The following CSMD1 variants were observed in gnomAD, a reference collection of about 807,000 sequenced individuals.
The protein encoded by CSMD1 is CUB and sushi domain-containing protein 1.
In CSMD1, 213 loss-of-function variants were observed where a neutral mutation model predicts 417.5. That is an observed-to-expected ratio of 0.51 (90% CI 0.46 to 0.57). The LOEUF is 0.57. CSMD1 is among the 20% of genes least tolerant of loss of function. The probability of loss-of-function intolerance (pLI) is 0.00; values close to 1 mark genes in which losing one functional copy is unlikely to be tolerated. For synonymous variants in CSMD1, 2,862 were observed against 1,736.8 expected, an observed-to-expected ratio of 1.65 and a Z score of -16.11; for missense variants, 6,923 against 4,529.7, an observed-to-expected ratio of 1.53 and a Z score of -15.17.
chr8:4,763,418 A>C (rs1402183686), intron 1 of CSMD1, among the ~76,000 whole-genome samples: 1 of 152,214 alleles, frequency 6.6e-6, no homozygotes, highest in Non-Finnish European at 1.5e-5. Context: ...TGAGAGTAAA[A>C]TATAGGTCAC....
At chr8:3,468,657 C>G in intron 12 of CSMD1, 55 bp downstream of exon 12, 3 of 1,094,666 alleles carry the variant, frequency 2.7e-6, no homozygotes, top group Non-Finnish European at 4.0e-6. Context: ...AGAATGCTCT[C>G]TGCCCTCTCT....
chr8:3,847,555 C>T (rs1803591901), intron 5 of CSMD1, among the ~76,000 whole-genome samples: 1 of 152,086 alleles, frequency 6.6e-6, no homozygotes, highest in African/African-American at 2.4e-5. Flanking sequence ...TGAAGGAGTC[C>T]TTGACTGCTG....
intron 46 of CSMD1, among the ~76,000 whole-genome samples, chr8:3,099,106 G>C (rs566078021): frequency 7.9e-5 from 12 of 151,668 alleles, no homozygotes; most frequent in African/African-American, 2.9e-4. Flanking sequence ...CTTCCCCCAA[G>C]CCTCTTTACA....
chr8:4,327,546 T>G (rs566891126), intron 3 of CSMD1, among the ~76,000 whole-genome samples: 1 of 152,130 alleles, frequency 6.6e-6, no homozygotes, highest in Non-Finnish European at 1.5e-5. Context: ...AGCTCCAATG[T>G]TGGCTTTCCT....
Position 3,182,650 on chromosome 8 carries a change from G to A in CSMD1, c.5621-1436C>T, listed in dbSNP as rs1388064099. On this transcript the variant is annotated intron_variant, in intron 36 of 69. Transcript: ENST00000635120. ...TGTGTGTGTATTGTTAGTAGAGAAGGGGGACTCTGGCTGTCTATAAGAAGC... is the reference window on the plus strand; with the variant it reads ...TGTGTGTGTATTGTTAGTAGAGAAGAGGGACTCTGGCTGTCTATAAGAAGC... Among the ~76,000 whole-genome samples the A allele has an allele frequency of 3.2e-5, 2 of 62,832 alleles. 1 individual carries two copies. The highest frequency in any genetic ancestry group is 7.2e-5 in the Non-Finnish European group (2 of 27,904). 41.2% of individuals were successfully genotyped at this position (62,832 alleles called of 152,430 possible).
chr8:4,382,624 T>C (rs1052500462), intron 3 of CSMD1, among the ~76,000 whole-genome samples: 1 of 152,228 alleles, frequency 6.6e-6, no homozygotes, highest in South Asian at 2.1e-4. Flanking sequence ...GTCATACATA[T>C]AATTGCATCT....
intron 1 of CSMD1, 60 bp from the exon 2 acceptor site, chr8:4,637,618 T>C (rs1266057128): frequency 9.9e-7 from 1 of 1,011,626 alleles, no homozygotes; most frequent in Non-Finnish European, 1.4e-6. Flanking sequence ...ATCTGTGATT[T>C]AAAAAATTTC....
intron 1 of CSMD1, among the ~76,000 whole-genome samples, chr8:4,773,840 T>A (rs1346343913): frequency 6.6e-6 from 1 of 152,198 alleles, no homozygotes; most frequent in Non-Finnish European, 1.5e-5. Context: ...AAAATTTAAT[T>A]GTGTGAATTA....
chr8:4,048,998 A>T lies in CSMD1; in HGVS notation c.416-16899T>A, dbSNP rs532994268. Among the ~76,000 whole-genome samples the T allele has an allele frequency of 1.6e-4, 24 of 152,300 alleles. No homozygotes were observed. The South Asian group carries it at 5.0e-3, about 32-fold the overall frequency. On this transcript the variant is annotated intron_variant, in intron 3 of 69. Transcript: ENST00000635120. ...GAATTTCTCTAAGGTTGATACAAAG[A>T]GGTGATGTTAATGATCACCTTTTCA...
At chr8:4,728,888 G>A (rs773831272) in intron 1 of CSMD1, among the ~76,000 whole-genome samples, 22 of 152,118 alleles carry the variant, frequency 1.4e-4, no homozygotes, top group Non-Finnish European at 8.8e-5. Flanking sequence ...ATTATTGGAG[G>A]GAGAAAGAAG....
intron 7 of CSMD1, among the ~76,000 whole-genome samples, chr8:3,625,166 G>C (rs926431712): frequency 2.6e-5 from 4 of 152,104 alleles, no homozygotes; most frequent in South Asian, 2.1e-4. Context: ...ATGTTTACAA[G>C]TTCTATATAA....
At chr8:3,180,155 T>A (rs756461369) in intron 37 of CSMD1, among the ~76,000 whole-genome samples, 1 of 152,230 alleles carries the variant, frequency 6.6e-6, no homozygotes, top group Non-Finnish European at 1.5e-5. Context: ...TAAACCTTAC[T>A]CTCATTGGAA....
intron 26 of CSMD1, chr8:3,279,058 G>A (rs17391886): frequency 3.9e-5 from 6 of 152,130 alleles, no homozygotes; most frequent in South Asian, 2.1e-4. Context: ...ACTGGTGCCC[G>A]ATTCTCACTG....
chr8:3,415,907 C>T (rs756988978), intron 12 of CSMD1, among the ~76,000 whole-genome samples: 1 of 152,016 alleles, frequency 6.6e-6, no homozygotes, highest in Non-Finnish European at 1.5e-5. Context: ...TTTAAATTGC[C>T]AAAGAAGATT....
intron 1 of CSMD1, among the ~76,000 whole-genome samples, chr8:4,917,576 G>A (rs1356864273): frequency 6.6e-6 from 1 of 152,226 alleles, no homozygotes; most frequent in Non-Finnish European, 1.5e-5. Context: ...GGAGGTTGCA[G>A]TGAGCCGAGA....
chr8:4,072,086 C>T (rs1297710706), intron 3 of CSMD1, among the ~76,000 whole-genome samples: 2 of 152,154 alleles, frequency 1.3e-5, no homozygotes, highest in Non-Finnish European at 2.9e-5. Context: ...CATGCTTGAC[C>T]TGAAAATCAA....
At chr8:4,014,891 T>A (rs1796446887) in intron 4 of CSMD1, among the ~76,000 whole-genome samples, 2 of 152,162 alleles carry the variant, frequency 1.3e-5, no homozygotes, top group African/African-American at 4.8e-5. Context: ...CTGAAAATAA[T>A]GGGCAGAGCC....
intron 3 of CSMD1, among the ~76,000 whole-genome samples, chr8:4,044,080 T>C (rs534281604): frequency 5.1e-4 from 77 of 152,264 alleles, no homozygotes; most frequent in African/African-American, 1.5e-3. Flanking sequence ...TTCTTGCCCA[T>C]TGCTTGTCTC....
chr8:4,847,748 G>C (rs1219540464), intron 1 of CSMD1, among the ~76,000 whole-genome samples: 1 of 150,330 alleles, frequency 6.7e-6, no homozygotes, highest in Non-Finnish European at 1.5e-5. Context: ...CCGTTGGTCA[G>C]GTCTTCTATA....
Sources: allele counts gnomAD v4.1 joint callset (sites outside exome capture counted in the v4.1 genomes callset), GRCh38; gene constraint gnomAD v4.1.1; transcripts MANE v1.5; gene names NCBI Gene and HGNC (gene_info 2026-07-23, HGNC 2026-07-21).